Variants in RSRP1 observed in about 807,000 individuals in gnomAD.
The protein encoded by RSRP1 is arginine/serine-rich protein 1.
RSRP1 carries 37 observed loss-of-function variants against 33.0 expected under a neutral mutation model. The ratio of observed to expected loss-of-function variants is 1.12; its 90% confidence interval spans 0.86 to 1.48. The LOEUF is 1.48. Among genes scored for constraint, RSRP1 ranks in the 40% most tolerant of loss-of-function variants. The pLI is 0.00. For synonymous variants in RSRP1, 167 were observed against 158.7 expected (o/e 1.05, Z -0.40); for missense variants, 402 against 385.3 (o/e 1.04, Z -0.36).
chr1:25,292,856 T>C (rs1642631373), intron 1 of RSRP1, among the ~76,000 whole-genome samples: 2 of 119,608 alleles, frequency 1.7e-5, no homozygotes, highest in South Asian at 5.2e-4. Context: ...GAGGACTGAG[T>C]CCTAGAACAC....
At chr1:25,245,437 C>G (rs908634096) in intron 2 of RSRP1, 136 bp from the exon 3 acceptor site, 8 of 1,257,820 alleles carry the variant, frequency 6.4e-6, no homozygotes, top group East Asian at 2.6e-5. Flanking sequence ...AATAGGTAAA[C>G]TAAGGTTGCC....
intron 1 of RSRP1, among the ~76,000 whole-genome samples, chr1:25,280,319 T>C (rs1227845961): frequency 8.0e-6 from 1 of 124,848 alleles, no homozygotes; most frequent in Non-Finnish European, 1.9e-5. Context: ...TTTTTTTTTT[T>C]TTTTGAGCTG....
At chr1:25,298,071 TC>T (rs1643095320) in intron 1 of RSRP1, among the ~76,000 whole-genome samples, 1 of 121,746 alleles carries the variant, frequency 8.2e-6, no homozygotes, top group Admixed American at 8.2e-5. Flanking sequence ...CATTTCTATG[TC>T]CCAGATCCTG....
rs1488232433 is a variant in RSRP1 at position 25,316,322 on chromosome 1, C to T, written c.-67+21656G>A. Among the ~76,000 whole-genome samples the T allele has an allele frequency of 2.3e-5, 3 of 129,218 alleles. 1 individual carries two copies. Among genetic ancestry groups the T allele is most frequent in the African/African-American group, 5.3e-5 (2 of 37,570 alleles). The allele number at this position is 129,218 out of a possible 152,430, so 84.8% of individuals were successfully genotyped here. A position where few individuals can be genotyped will look rare whatever the true frequency, so the allele number is the denominator to read the frequency against. On this transcript the variant is annotated intron_variant, in intron 1 of 1. Coordinates refer to the RSRP1 transcript ENST00000561867. Reference sequence around the variant, plus strand: ...AGAACCTTCATCTTTAATTGCCTAACGAGAAAACTGGGGCTGGCCAGATGT... The same window carrying T: ...AGAACCTTCATCTTTAATTGCCTAATGAGAAAACTGGGGCTGGCCAGATGT...
intron 1 of RSRP1, chr1:25,272,584 C>G (rs1433417649): frequency 6.3e-7 from 1 of 1,584,006 alleles, no homozygotes; most frequent in East Asian, 2.2e-5. Flanking sequence ...CCGGCGCTGC[C>G]TGCCCCTCTG....
At position 25,296,942 on chromosome 1, in the gene RSRP1, C is replaced by G. The variant is rs1643007288; in HGVS notation, c.-67+41036G>C. 1.5e-5 allele frequency among the ~76,000 whole-genome samples: 2 copies of G among 130,962 alleles called. 1 individual carries two copies. The highest frequency in any genetic ancestry group is 5.3e-5 in the African/African-American group (2 of 37,864). The allele number at this position is 130,962 out of a possible 152,430, so 85.9% of individuals were successfully genotyped here. A position where few individuals can be genotyped will look rare whatever the true frequency, so the allele number is the denominator to read the frequency against. On this transcript the variant is annotated intron_variant, in intron 1 of 1. Coordinates refer to the RSRP1 transcript ENST00000561867. The stretch of plus-strand genomic sequence containing the variant: ...AACAGACTAACACAATTTCCTAAAA[C>G]AAGGGGACATTCTCTTACATAACCT...
intron 1 of RSRP1, among the ~76,000 whole-genome samples, chr1:25,254,598 G>C (rs187178847): frequency 6.6e-6 from 1 of 152,116 alleles, no homozygotes; most frequent in African/African-American, 2.4e-5. Context: ...ACCATGCCAA[G>C]TAATTTTTTG....
At chr1:25,290,711 T>G in intron 1 of RSRP1, 1 of 1,377,802 alleles carries the variant, frequency 7.3e-7, no homozygotes, top group Non-Finnish European at 1.0e-6. Context: ...GAAGGTCAAC[T>G]TGGCGCAGTT....
At chr1:25,265,394 T>C (rs1453766378) in intron 1 of RSRP1, among the ~76,000 whole-genome samples, 2 of 66,552 alleles carry the variant, frequency 3.0e-5, no homozygotes, top group Non-Finnish European at 6.9e-5. Context: ...ACTGAAGTGA[T>C]AGCCTGGAGG....
At chr1:25,297,253 T>A (rs935822181) in intron 1 of RSRP1, among the ~76,000 whole-genome samples, 4 of 90,296 alleles carry the variant, frequency 4.4e-5, no homozygotes, top group African/African-American at 1.5e-4. Flanking sequence ...AGATTGTGGG[T>A]ATGCATTTTT....
chr1:25,307,505 C>A (rs1643911262), intron 1 of RSRP1: 1 of 499,444 alleles, frequency 2.0e-6, no homozygotes, highest in Admixed American at 3.1e-5. Context: ...ATAACATTTA[C>A]TACTGTTATT....
At chr1:25,319,478 G>A (rs1451089877) in intron 1 of RSRP1, among the ~76,000 whole-genome samples, 1 of 131,832 alleles carries the variant, frequency 7.6e-6, no homozygotes, top group Non-Finnish European at 1.8e-5. Flanking sequence ...AGGCGTGGTG[G>A]TACACCTGTA....
intron 1 of RSRP1, among the ~76,000 whole-genome samples, chr1:25,264,204 A>AGT (rs1300121867): frequency 1.3e-5 from 2 of 151,932 alleles, no homozygotes; most frequent in African/African-American, 4.8e-5. Context: ...CAGCTCCACT[A>AGT]GGTGGTGCCC....
In RSRP1 at chr1:25,320,149, T is replaced by C. The variant is rs1265809182; in HGVS notation, c.-67+17829A>G. On this transcript the variant is annotated intron_variant, in intron 1 of 1. Transcript: ENST00000561867. ...CTGACCTCAGGTGATCCGCCCACCT[T>C]GGCCTCCCAAAGTGCTGGGATTACA... Among the ~76,000 whole-genome samples the C allele has an allele frequency of 2.1e-4, 28 of 131,514 alleles. 9 individuals carry two copies. Among genetic ancestry groups the C allele is most frequent in the Non-Finnish European group, 4.0e-4 (22 of 55,518 alleles). The allele number at this position is 131,514 out of a possible 152,430, so 86.3% of individuals were successfully genotyped here. A position where few individuals can be genotyped will look rare whatever the true frequency, so the allele number is the denominator to read the frequency against.
intron 1 of RSRP1, among the ~76,000 whole-genome samples, chr1:25,261,486 T>C (rs1170706323): frequency 6.7e-6 from 1 of 148,906 alleles, no homozygotes; most frequent in Non-Finnish European, 1.5e-5. Flanking sequence ...CTCACTGCAA[T>C]CTCCGCCTCC....
intron 1 of RSRP1, among the ~76,000 whole-genome samples, chr1:25,313,485 T>C (rs1237062482): frequency 7.5e-6 from 1 of 132,860 alleles, no homozygotes; most frequent in Non-Finnish European, 1.8e-5. Context: ...TAAGCATTGC[T>C]GTACCCTTTT....
At chr1:25,264,484 G>A (rs1640261355) in intron 1 of RSRP1, among the ~76,000 whole-genome samples, 1 of 146,864 alleles carries the variant, frequency 6.8e-6, no homozygotes, top group African/African-American at 2.5e-5. Flanking sequence ...CCTCCCGTCA[G>A]TCATGGTTGG....
chr1:25,284,558 C>T lies in RSRP1; in HGVS notation c.-66-37529G>A, dbSNP rs1440302340. On this transcript the variant is annotated intron_variant, in intron 1 of 1. Coordinates refer to the RSRP1 transcript ENST00000561867. ...GCTTCCCCCTCGTCCTTCTCGCCATCTCCCCACCGAGCAGTTGGCCAAGAT... is the reference window on the plus strand; with the variant it reads ...GCTTCCCCCTCGTCCTTCTCGCCATTTCCCCACCGAGCAGTTGGCCAAGAT... The T allele has an allele frequency of 5.0e-6, 7 of 1,388,458 alleles. No homozygotes were observed. The African/African-American group carries it at 5.6e-5, about 11-fold the overall frequency. 86.0% of individuals were successfully genotyped at this position (1,388,458 alleles called of 1,614,324 possible).
intron 4 of RSRP1, among the ~76,000 whole-genome samples, chr1:25,243,331 A>G (rs1021244510): frequency 6.6e-6 from 1 of 152,234 alleles, no homozygotes; most frequent in African/African-American, 2.4e-5. Context: ...GGGGACACTT[A>G]AAAGAATGGC....
Sources: allele counts gnomAD v4.1 joint callset (sites outside exome capture counted in the v4.1 genomes callset), GRCh38; gene constraint gnomAD v4.1.1; transcripts MANE v1.5; gene names NCBI Gene and HGNC (gene_info 2026-07-23, HGNC 2026-07-21).